The following MPPED1 variants were observed in gnomAD, a reference collection of about 807,000 sequenced individuals.
The protein encoded by MPPED1 is metallophosphoesterase domain containing 1.
In MPPED1, 16 loss-of-function variants were observed where a neutral mutation model predicts 36.2. The ratio of observed to expected loss-of-function variants is 0.44; its 90% CI spans 0.30 to 0.67. The LOEUF is 0.67. Ranked by LOEUF, MPPED1 falls within the 30% of genes least tolerant of loss-of-function variation. The pLI, the probability that MPPED1 is intolerant of heterozygous loss-of-function variation, is 0.10. For synonymous variants in MPPED1, 199 were observed against 191.3 expected (o/e 1.04, Z -0.33); for missense variants, 307 against 453.4 (o/e 0.68, Z 2.93).
chr22:43,455,805 T>C (rs1930733314), intron 3 of MPPED1, among the ~76,000 whole-genome samples: 1 of 152,210 alleles, frequency 6.6e-6, no homozygotes, highest in African/African-American at 2.4e-5. Context: ...CTTGAAAGTT[T>C]CTTGTCTTTG....
chr22:43,443,931 A>G (rs2146844645), intron 3 of MPPED1, among the ~76,000 whole-genome samples: 1 of 152,298 alleles, frequency 6.6e-6, no homozygotes, highest in South Asian at 2.1e-4. Flanking sequence ...GCACATGGCC[A>G]GTGTGATTGA....
At chr22:43,465,797 G>T (rs1489305198) in intron 3 of MPPED1, among the ~76,000 whole-genome samples, 2 of 152,222 alleles carry the variant, frequency 1.3e-5, no homozygotes, top group Admixed American at 1.3e-4. Flanking sequence ...AGCAGATGCG[G>T]ATGCCAGGAG....
intron 3 of MPPED1, among the ~76,000 whole-genome samples, chr22:43,451,169 G>A (rs1252434917): frequency 6.6e-6 from 1 of 151,914 alleles, no homozygotes; most frequent in Non-Finnish European, 1.5e-5. Flanking sequence ...ACCACACCCA[G>A]TTAATTTTTG....
intron 4 of MPPED1, among the ~76,000 whole-genome samples, chr22:43,475,883 T>G (rs992148110): frequency 1.7e-4 from 9 of 52,808 alleles, no homozygotes; most frequent in African/African-American, 6.4e-4. Context: ...CTGATGATGG[T>G]GATGATGGTG....
At chr22:43,493,184 G>GA (rs1932155245) in intron 4 of MPPED1, among the ~76,000 whole-genome samples, 1 of 152,194 alleles carries the variant, frequency 6.6e-6, no homozygotes, top group African/African-American at 2.4e-5. Flanking sequence ...CTGGGTTTGA[G>GA]AATGACTTCT....
intron 5 of MPPED1, among the ~76,000 whole-genome samples, chr22:43,499,282 T>G (rs1602023882): frequency 8.6e-6 from 1 of 115,680 alleles, no homozygotes; most frequent in Non-Finnish European, 1.8e-5. Flanking sequence ...GTGATGGGGG[T>G]GGTGATGGAT....
At chr22:43,454,963 A>G (rs984798442) in intron 3 of MPPED1, among the ~76,000 whole-genome samples, 1 of 152,176 alleles carries the variant, frequency 6.6e-6, no homozygotes, top group African/African-American at 2.4e-5. Flanking sequence ...CTCAAACAGC[A>G]GAAGCCTATT....
chr22:43,451,552 T>G (rs1183822932), intron 3 of MPPED1, among the ~76,000 whole-genome samples: 1 of 152,240 alleles, frequency 6.6e-6, no homozygotes, highest in African/African-American at 2.4e-5. Flanking sequence ...AATTCTGGGC[T>G]GGTTTGACAG....
intron 4 of MPPED1, among the ~76,000 whole-genome samples, chr22:43,488,904 G>C (rs1317265167): frequency 6.6e-6 from 1 of 152,252 alleles, no homozygotes; most frequent in Non-Finnish European, 1.5e-5. Context: ...CCTCAGGGTG[G>C]TGAGGTTGGG....
intron 3 of MPPED1, among the ~76,000 whole-genome samples, chr22:43,451,375 A>G (rs1482043455): frequency 6.6e-6 from 1 of 152,248 alleles, no homozygotes; most frequent in Non-Finnish European, 1.5e-5. Flanking sequence ...CGTGCATTTA[A>G]AAGTTAGAAT....
chr22:43,434,873 C>T (rs111579887), intron 2 of MPPED1, among the ~76,000 whole-genome samples, 161 bp from the exon 3 acceptor site: 3 of 152,182 alleles, frequency 2.0e-5, no homozygotes, highest in African/African-American at 7.2e-5. Context: ...GGATTCGGGC[C>T]GGGGTGGACC....
intron 3 of MPPED1, among the ~76,000 whole-genome samples, chr22:43,460,143 G>A (rs1262717847): frequency 6.6e-6 from 1 of 151,984 alleles, no homozygotes; most frequent in East Asian, 1.9e-4. Flanking sequence ...GGAGGCGGAG[G>A]TTGCAGTGAG....
intron 3 of MPPED1, among the ~76,000 whole-genome samples, chr22:43,449,826 G>C (rs762056980): frequency 4.0e-4 from 61 of 152,258 alleles, no homozygotes; most frequent in Admixed American, 2.9e-3. Context: ...TTCTCACAGG[G>C]CCTTGGTGAG....
chr22:43,501,178 G>A (rs979157169), intron 5 of MPPED1, among the ~76,000 whole-genome samples: 1 of 152,154 alleles, frequency 6.6e-6, no homozygotes, highest in Admixed American at 6.5e-5. Flanking sequence ...GTTGTAGCCG[G>A]GTTTGTTTCA....
At chr22:43,459,526 T>C (rs1212989544) in intron 3 of MPPED1, among the ~76,000 whole-genome samples, 1 of 152,234 alleles carries the variant, frequency 6.6e-6, no homozygotes, top group Non-Finnish European at 1.5e-5. Flanking sequence ...TCTTTTTCCT[T>C]TCTGTTCCTC....
chr22:43,477,766 G>A (rs1437256796), intron 4 of MPPED1, among the ~76,000 whole-genome samples: 1 of 152,230 alleles, frequency 6.6e-6, no homozygotes, highest in Non-Finnish European at 1.5e-5. Context: ...TCCCAGACAA[G>A]GGCCTTTGGG....
At chr22:43,491,607 TTGGTGATGGAGGTGGTGGTGA>T (rs1932090504) in intron 4 of MPPED1, among the ~76,000 whole-genome samples, 1 of 74,262 alleles carries the variant, frequency 1.3e-5, no homozygotes, top group Non-Finnish European at 2.9e-5. Context: ...GATGGTGGTG[TTGGTGATGGAGGTGGTGGTGA>T]TGGTGATGGA....
At chr22:43,413,393 AAAT>A (rs1928975287) in intron 1 of MPPED1, among the ~76,000 whole-genome samples, 1 of 151,202 alleles carries the variant, frequency 6.6e-6, no homozygotes, top group African/African-American at 2.4e-5. Context: ...AAAAAAAAAA[AAAT>A]TAAACCAACT....
chr22:43,444,846 T>C (rs1930280100), intron 3 of MPPED1, among the ~76,000 whole-genome samples: 1 of 152,230 alleles, frequency 6.6e-6, no homozygotes, highest in South Asian at 2.1e-4. Context: ...TTTTGTTTGC[T>C]TGTTTATATC....
Sources: allele counts gnomAD v4.1 joint callset (sites outside exome capture counted in the v4.1 genomes callset), GRCh38; gene constraint gnomAD v4.1.1; transcripts MANE v1.5; gene names NCBI Gene and HGNC (gene_info 2026-07-23, HGNC 2026-07-21).